Variants in CADPS2 observed in about 807,000 individuals in gnomAD.
The protein encoded by CADPS2 is calcium-dependent secretion activator 2.
In CADPS2, 93 loss-of-function variants were observed where a neutral mutation model predicts 172.5. The observed-to-expected ratio is 0.54, with a 90% CI of 0.46 to 0.64. The LOEUF is 0.64. CADPS2 is among the 30% of genes least tolerant of loss of function. CADPS2 has a pLI of 0.00. For missense variants in CADPS2, 1,420 were observed against 1,565.9 expected, an observed-to-expected ratio of 0.91 and a Z score of 1.57; for synonymous variants, 546 against 555.2, an observed-to-expected ratio of 0.98 and a Z score of 0.23.
At chr7:122,620,380 C>A (rs2075448960) in intron 5 of CADPS2, among the ~76,000 whole-genome samples, 1 of 152,084 alleles carries the variant, frequency 6.6e-6, no homozygotes, top group African/African-American at 2.4e-5. Flanking sequence ...TATCTTAATG[C>A]CTGACATAAG....
rs1000093748 is a variant in CADPS2, at chr7:122,319,508, G to C, written c.*657C>G. The C allele has an allele frequency of 1.3e-5, 2 of 152,146 alleles. No homozygotes were observed. Among genetic ancestry groups the C allele is most frequent in the Admixed American group, 6.5e-5 (1 of 15,274 alleles). 9.4% of individuals were successfully genotyped at this position (152,146 alleles called of 1,614,324 possible). On this transcript the variant is annotated 3_prime_UTR_variant, in exon 30 of 30. Transcript: ENST00000449022. The stretch of plus-strand genomic sequence containing the variant: ...CCACACCTGGGGATTACTTATAGTT[G>C]AAAGAAGAAATGTTGAGAATGGAAC...
chr7:122,676,657 G>C (rs897655317), intron 2 of CADPS2: 1 of 1,572,888 alleles, frequency 6.4e-7, no homozygotes, highest in Non-Finnish European at 8.7e-7. Context: ...GGAGAGACAG[G>C]AGAACCTGGA....
chr7:122,382,168 CTG>C (rs1166209799), intron 24 of CADPS2: 2 of 152,070 alleles, frequency 1.3e-5, no homozygotes. Context: ...TTTTCTTCTT[CTG>C]TGTTTTTTAA....
At chr7:122,803,286 T>C (rs771498325) in intron 1 of CADPS2, among the ~76,000 whole-genome samples, 31 of 152,176 alleles carry the variant, frequency 2.0e-4, no homozygotes, top group Non-Finnish European at 4.1e-4. Context: ...AAAAGGTAAA[T>C]GTTGCCAGCA....
At chr7:122,522,993 C>G (rs1049066044) in intron 8 of CADPS2, among the ~76,000 whole-genome samples, 2 of 152,168 alleles carry the variant, frequency 1.3e-5, no homozygotes, top group Non-Finnish European at 2.9e-5. Flanking sequence ...AGGCTGATTT[C>G]ATATGTTGGC....
intron 4 of CADPS2, among the ~76,000 whole-genome samples, chr7:122,621,975 G>A (rs1563882343): frequency 6.6e-6 from 1 of 152,104 alleles, no homozygotes. Flanking sequence ...AAATTTATTT[G>A]TGATAAGATT....
intron 12 of CADPS2, among the ~76,000 whole-genome samples, chr7:122,475,816 G>A (rs1210742314): frequency 3.3e-5 from 5 of 152,146 alleles, no homozygotes; most frequent in Non-Finnish European, 7.4e-5. Flanking sequence ...TCAATGAATG[G>A]CAGCTTATTG....
intron 6 of CADPS2, among the ~76,000 whole-genome samples, chr7:122,603,909 T>C (rs568612412): frequency 1.3e-5 from 2 of 152,246 alleles, no homozygotes; most frequent in African/African-American, 4.8e-5. Flanking sequence ...AATGAGATGT[T>C]GATCAAAGAG....
At chr7:122,802,657 C>G (rs1279343050) in intron 1 of CADPS2, among the ~76,000 whole-genome samples, 1 of 152,226 alleles carries the variant, frequency 6.6e-6, no homozygotes, top group Non-Finnish European at 1.5e-5. Flanking sequence ...AATCATGTCT[C>G]TCTTGTCATT....
chr7:122,679,051 G>A (rs776070202), intron 2 of CADPS2, among the ~76,000 whole-genome samples: 47 of 152,180 alleles, frequency 3.1e-4, no homozygotes, highest in Non-Finnish European at 5.3e-4. Flanking sequence ...AAGCATGTGC[G>A]TTTGAACAAT....
intron 2 of CADPS2, among the ~76,000 whole-genome samples, chr7:122,673,664 G>A (rs2082096504): frequency 6.6e-6 from 1 of 152,016 alleles, no homozygotes; most frequent in Admixed American, 6.5e-5. Flanking sequence ...GCTAGACACA[G>A]ATTGCTGATT....
chr7:122,777,382 A>G (rs2093917151), intron 1 of CADPS2, among the ~76,000 whole-genome samples: 1 of 152,120 alleles, frequency 6.6e-6, no homozygotes, highest in African/African-American at 2.4e-5. Flanking sequence ...ATTCCAGGCA[A>G]CAAGAGAAAA....
At chr7:122,615,113 A>T (rs924009235) in intron 6 of CADPS2, 68 bp downstream of exon 6, 4 of 927,938 alleles carry the variant, frequency 4.3e-6, no homozygotes, top group Non-Finnish European at 6.6e-6. Context: ...ACATAAACAG[A>T]GCATGTTTCT....
At chr7:122,690,426 G>A (rs2084188037) in intron 2 of CADPS2, among the ~76,000 whole-genome samples, 1 of 152,120 alleles carries the variant, frequency 6.6e-6, no homozygotes, top group South Asian at 2.1e-4. Context: ...GGCTAATTGT[G>A]GAGGTCACAC....
chr7:122,581,324 G>A, intron 6 of CADPS2, 34 bp from the exon 7 acceptor site: 2 of 1,550,384 alleles, frequency 1.3e-6, no homozygotes, highest in East Asian at 2.3e-5. Flanking sequence ...TTCTTAAAAT[G>A]CAGCATTATT....
intron 6 of CADPS2, among the ~76,000 whole-genome samples, chr7:122,604,205 G>C (rs1028512198): frequency 6.6e-6 from 1 of 151,926 alleles, no homozygotes; most frequent in African/African-American, 2.4e-5. Flanking sequence ...TTCATACCAA[G>C]AGCTATGCAA....
intron 1 of CADPS2, among the ~76,000 whole-genome samples, chr7:122,776,836 T>G (rs1480572246): frequency 6.6e-6 from 1 of 152,150 alleles, no homozygotes; most frequent in Non-Finnish European, 1.5e-5. Flanking sequence ...GGTAGCACCT[T>G]GCATGTAACT....
chr7:122,806,877 TA>T (rs1798898275), intron 1 of CADPS2, among the ~76,000 whole-genome samples: 1 of 152,214 alleles, frequency 6.6e-6, no homozygotes, highest in Admixed American at 6.5e-5. Context: ...AAGACTGTGT[TA>T]ATCTATGGGA....
intron 9 of CADPS2, among the ~76,000 whole-genome samples, chr7:122,503,901 T>C (rs1194333723): frequency 6.6e-6 from 1 of 152,168 alleles, no homozygotes; most frequent in South Asian, 2.1e-4. Context: ...GGGTGATGAA[T>C]TGTTTTGCAG....
Sources: gnomAD v4.1 joint callset for allele counts (sites outside exome capture counted in the v4.1 genomes callset) on GRCh38, gnomAD v4.1.1 for gene constraint, MANE v1.5 for transcripts, NCBI Gene and HGNC (gene_info 2026-07-23, HGNC 2026-07-21) for gene names.